The following MTHFD1 variants were observed in gnomAD, a reference collection of about 807,000 sequenced individuals.
MTHFD1 encodes methylenetetrahydrofolate dehydrogenase, cyclohydrolase and formyltetrahydrofolate synthetase 1, also known as C-1-tetrahydrofolate synthase, cytoplasmic.
In MTHFD1, 44 loss-of-function variants were observed where a neutral mutation model predicts 110.3. The ratio of observed to expected loss-of-function variants is 0.40; its 90% confidence interval spans 0.31 to 0.51. MTHFD1 has a LOEUF of 0.51. MTHFD1 is among the 20% of genes least tolerant of loss of function. The probability of loss-of-function intolerance (pLI) is 0.60; values close to 1 mark genes in which losing one functional copy is unlikely to be tolerated. For missense variants in MTHFD1, 909 were observed against 1,173.1 expected, an observed-to-expected ratio of 0.77 and a Z score of 3.29; for synonymous variants, 402 against 428.8, an observed-to-expected ratio of 0.94 and a Z score of 0.77.
At chr14:64,407,629 C>G (rs2077945553) in intron 2 of MTHFD1, among the ~76,000 whole-genome samples, 1 of 149,008 alleles carries the variant, frequency 6.7e-6, no homozygotes, top group Non-Finnish European at 1.5e-5. Flanking sequence ...ACTGAAACCT[C>G]TGCCCTCCCC....
intron 21 of MTHFD1, among the ~76,000 whole-genome samples, chr14:64,442,792 G>A (rs1317400946): frequency 6.6e-6 from 1 of 152,156 alleles, no homozygotes; most frequent in Non-Finnish European, 1.5e-5. Flanking sequence ...ACAGAGGTCA[G>A]CCCCTTCTTG....
intron 8 of MTHFD1, 22 bp from the exon 9 acceptor site, chr14:64,424,782 G>T: frequency 6.2e-7 from 1 of 1,613,232 alleles, no homozygotes. Flanking sequence ...ACTTAGTTTT[G>T]ATTTCTCCCC....
intron 1 of MTHFD1, among the ~76,000 whole-genome samples, chr14:64,398,534 C>G (rs1301551684): frequency 6.6e-6 from 1 of 152,002 alleles, no homozygotes; most frequent in African/African-American, 2.4e-5. Flanking sequence ...GTGATAGAGC[C>G]AGACCCTGTC....
intron 15 of MTHFD1, among the ~76,000 whole-genome samples, chr14:64,434,872 T>C (rs61985555): frequency 0.044 from 6,565 of 149,514 alleles, 231 homozygotes; most frequent in Non-Finnish European, 0.067. Flanking sequence ...CAGGCTGTAG[T>C]GCAGTGGCAC....
At position 64,431,521 on chromosome 14, in the gene MTHFD1, T is replaced by C; in HGVS notation, c.1312-11T>C. ...AGCTGGGAGACTAATGTGGCTTCTG[T>C]TCTTTTGTAGTTTAATCTCCACCTC... On this transcript the variant is annotated splice_polypyrimidine_tract_variant and intron_variant, in intron 13 of 27. Coordinates refer to ENST00000652337, the MANE Select transcript of MTHFD1 (RefSeq NM_005956.4). The C allele has an allele frequency of 6.2e-7, 1 of 1,607,538 alleles. No individual in the cohort carries two copies. The highest frequency in any genetic ancestry group is 2.2e-5 in the East Asian group (1 of 44,858).
intron 1 of MTHFD1, among the ~76,000 whole-genome samples, chr14:64,394,964 C>T (rs1055905649): frequency 3.3e-5 from 5 of 152,164 alleles, no homozygotes; most frequent in Non-Finnish European, 7.3e-5. Flanking sequence ...TTCATTGGAG[C>T]CCTAGTCAGC....
At chr14:64,439,290 C>T in intron 17 of MTHFD1, 118 bp downstream of exon 17, 1 of 804,014 alleles carries the variant, frequency 1.2e-6, no homozygotes, top group Non-Finnish European at 2.1e-6. Context: ...TGCCTTCTCC[C>T]TTTTAAAATG....
intron 22 of MTHFD1, among the ~76,000 whole-genome samples, chr14:64,445,729 C>T (rs1489537742): frequency 1.3e-5 from 2 of 152,320 alleles, no homozygotes; most frequent in East Asian, 3.9e-4. Context: ...AGTTCTGGCC[C>T]TCCTGCCACC....
At chr14:64,440,823 G>C (rs1422721842) in intron 18 of MTHFD1, 1 of 225,176 alleles carries the variant, frequency 4.4e-6, no homozygotes, top group East Asian at 1.1e-4. Flanking sequence ...GTCAGCAGCT[G>C]AGCTTGATTA....
chr14:64,442,190 G>T (rs748367282), intron 20 of MTHFD1, 25 bp downstream of exon 20: 1 of 1,613,864 alleles, frequency 6.2e-7, no homozygotes, highest in Non-Finnish European at 8.5e-7. Context: ...CAAAACCAGT[G>T]AATAGACTGT....
chr14:64,451,242 G>A (rs528962696), intron 24 of MTHFD1, among the ~76,000 whole-genome samples: 1 of 151,514 alleles, frequency 6.6e-6, no homozygotes, highest in Non-Finnish European at 1.5e-5. Flanking sequence ...GGCTGGTCTC[G>A]AACTCCTGGG....
At chr14:64,441,565 G>A (rs2078247717) in intron 19 of MTHFD1, 112 bp downstream of exon 19, 2 of 923,206 alleles carry the variant, frequency 2.2e-6, no homozygotes, top group Non-Finnish European at 3.4e-6. Context: ...CCAGCACTTT[G>A]GGAGGCCAAG....
intron 26 of MTHFD1, chr14:64,457,960 G>A: frequency 5.2e-6 from 3 of 573,454 alleles, no homozygotes; most frequent in East Asian, 5.8e-5. Context: ...GGATGATCAT[G>A]GCTCACTGTG....
intron 8 of MTHFD1, 71 bp downstream of exon 8, chr14:64,419,996 G>T: frequency 9.4e-7 from 1 of 1,069,418 alleles, no homozygotes; most frequent in South Asian, 1.3e-5. Flanking sequence ...AAAGAAGCCT[G>T]AGAGAGAAGC....
intron 4 of MTHFD1, 34 bp from the exon 5 acceptor site, chr14:64,415,324 G>A (rs2078016731): frequency 1.3e-6 from 2 of 1,580,322 alleles, no homozygotes; most frequent in Non-Finnish European, 1.7e-6. Context: ...TGATTTCTGT[G>A]TGATATACAA....
In MTHFD1 at chr14:64,453,808, G is replaced by T; in HGVS notation, c.2512G>T (p.Asp838Tyr). 2 of 1,613,386 alleles carry T rather than the reference G, an allele frequency of 1.2e-6. No individual in the cohort carries two copies. The highest frequency in any genetic ancestry group is 1.1e-5 in the South Asian group (1 of 91,050). ...TGCACAGAAGATCTATGGAGCAGATGACATTGAATTACTTCCCGAAGCTCA... is the reference window on the plus strand; with the variant it reads ...TGCACAGAAGATCTATGGAGCAGATTACATTGAATTACTTCCCGAAGCTCA... ...IIAQKIYGADDIELLPEAQHK... is the reference protein window; with the variant it reads ...IIAQKIYGADYIELLPEAQHK... The change falls in exon 25 of 28, where the codon GAC becomes TAC. Residue 838 changes from aspartate (D) to tyrosine (Y), a missense_variant. Asp to Tyr is a radical substitution (Grantham distance 160, BLOSUM62 -3). This residue lies in a region of MTHFD1 where 482 missense variants were observed against 646.0 expected (regional missense o/e 0.75). Transcript: ENST00000652337.
chr14:64,398,612 T>G (rs1379902708), intron 1 of MTHFD1, among the ~76,000 whole-genome samples: 1 of 152,222 alleles, frequency 6.6e-6, no homozygotes, highest in Non-Finnish European at 1.5e-5. Context: ...TATGACTTCT[T>G]TCTTGTACCA....
rs769038701 is a variant in MTHFD1 at position 64,442,174 on chromosome 14, T to C, written c.1996+9T>C. The C allele has an allele frequency of 3.1e-6, 5 of 1,613,958 alleles. No homozygotes were observed. In the Admixed American group the frequency reaches 8.3e-5, roughly 27 times the overall value. On this transcript the variant is annotated intron_variant, in intron 20 of 27. Transcript: ENST00000652337. Reference sequence around the variant, plus strand: ...CCCAGAAGGGTTTGTAGGTTAGTGTTTTTTGCAAAACCAGTGAATAGACTG... The same window carrying C: ...CCCAGAAGGGTTTGTAGGTTAGTGTCTTTTGCAAAACCAGTGAATAGACTG...
chr14:64,450,043 G>A (rs1349297318), intron 24 of MTHFD1, among the ~76,000 whole-genome samples: 1 of 152,284 alleles, frequency 6.6e-6, no homozygotes, highest in Non-Finnish European at 1.5e-5. Context: ...ACCTGCCTTG[G>A]CCTCCCAAAG....
Sources: gnomAD v4.1 joint callset for allele counts (sites outside exome capture counted in the v4.1 genomes callset) on GRCh38, gnomAD v4.1.1 for gene constraint, gnomAD v4.1.1 regional missense constraint, MANE v1.5 for transcripts, NCBI Gene and HGNC (gene_info 2026-07-23, HGNC 2026-07-21) for gene names.